ZNF609: variants seen among roughly 807,000 people sequenced by gnomAD.
ZNF609 encodes the protein zinc finger protein 609.
A neutral mutation model predicts 109.5 loss-of-function variants in ZNF609; 11 were observed. The observed-to-expected ratio is 0.10, with a 90% CI of 0.06 to 0.17. The LOEUF (loss-of-function observed/expected upper bound fraction) is 0.17, where lower values mean the gene tolerates loss of function less well. Among genes scored for constraint, ZNF609 ranks in the 10% least tolerant of loss-of-function variants. The probability of loss-of-function intolerance (pLI) is 1.00; values close to 1 mark genes in which losing one functional copy is unlikely to be tolerated. For synonymous variants in ZNF609, 646 were observed against 662.0 expected (o/e 0.98, Z 0.37); for missense variants, 1,559 against 1,772.4 (o/e 0.88, Z 2.16).
At chr15:64,516,090 G>A (rs545102038) in intron 2 of ZNF609, among the ~76,000 whole-genome samples, 3 of 152,268 alleles carry the variant, frequency 2.0e-5, no homozygotes, top group Admixed American at 6.5e-5. Flanking sequence ...AAAAGTCAGG[G>A]AAGATAGTTG....
intron 6 of ZNF609, among the ~76,000 whole-genome samples, chr15:64,679,010 G>A (rs929918968): frequency 1.3e-5 from 2 of 152,198 alleles, no homozygotes; most frequent in Admixed American, 6.5e-5. Context: ...AAGTCAGACT[G>A]GGGGGAGGTC....
intron 1 of ZNF609, among the ~76,000 whole-genome samples, chr15:64,492,088 A>C (rs1893420952): frequency 6.6e-6 from 1 of 151,624 alleles, no homozygotes; most frequent in Admixed American, 6.6e-5. Flanking sequence ...CTAAAAGTAC[A>C]AAAAATTAGC....
intron 5 of ZNF609, among the ~76,000 whole-genome samples, chr15:64,677,890 G>T (rs1180737564): frequency 2.0e-5 from 3 of 152,124 alleles, no homozygotes; most frequent in Admixed American, 6.5e-5. Context: ...TTCTCCCCCT[G>T]CCCCATCTTG....
At chr15:64,658,399 G>A (rs1896522430) in intron 3 of ZNF609, among the ~76,000 whole-genome samples, 1 of 152,070 alleles carries the variant, frequency 6.6e-6, no homozygotes, top group African/African-American at 2.4e-5. Flanking sequence ...GTTTCCCCAT[G>A]TTGATCAGAT....
chr15:64,506,636 C>G (rs529036405), intron 2 of ZNF609, among the ~76,000 whole-genome samples: 2 of 151,642 alleles, frequency 1.3e-5, no homozygotes, highest in East Asian at 3.9e-4. Flanking sequence ...AGGAGAATCA[C>G]TTGAACCCGG....
intron 2 of ZNF609, among the ~76,000 whole-genome samples, chr15:64,510,571 T>C (rs1174995338): frequency 6.6e-6 from 1 of 152,102 alleles, no homozygotes; most frequent in Non-Finnish European, 1.5e-5. Context: ...TTATCATAGG[T>C]ACGTACGTAG....
chr15:64,678,530 G>A (rs373787992), intron 6 of ZNF609, 48 bp downstream of exon 6: 23 of 1,518,708 alleles, frequency 1.5e-5, no homozygotes, highest in Admixed American at 2.2e-5. Flanking sequence ...AAGGGGGAAT[G>A]AAGCACAGAT....
At chr15:64,639,950 C>T (rs73454911) in intron 3 of ZNF609, among the ~76,000 whole-genome samples, 7,120 of 152,038 alleles carry the variant, frequency 0.047, 551 homozygotes, top group African/African-American at 0.16. Context: ...TTTTGAGTCT[C>T]TTTCTGTCGC....
intron 2 of ZNF609, among the ~76,000 whole-genome samples, chr15:64,617,135 G>A (rs2140967262): frequency 6.6e-6 from 1 of 152,048 alleles, no homozygotes; most frequent in Non-Finnish European, 1.5e-5. Flanking sequence ...GGTAAATTGA[G>A]AAGTATCATT....
At chr15:64,610,058 G>C (rs1272111922) in intron 2 of ZNF609, among the ~76,000 whole-genome samples, 1 of 150,824 alleles carries the variant, frequency 6.6e-6, no homozygotes, top group Admixed American at 6.6e-5. Context: ...AGAATTTCCT[G>C]CAAGGTGAAG....
Position 64,572,985 on chromosome 15 carries a change from T to C in ZNF609, c.748-49842T>C, listed in dbSNP as rs570840326. On this transcript the variant is annotated intron_variant, in intron 2 of 9. Coordinates refer to ENST00000326648, the MANE Select transcript of ZNF609 (RefSeq NM_015042.2). ...GACACGTAGTTCGGCTAGAAAAGCA[T>C]GGACCTAGATTTTGGCCTCCTCTTG... 3.3e-5 allele frequency among the ~76,000 whole-genome samples: 5 copies of C among 152,342 alleles called. No individual in the cohort carries two copies. In the East Asian group the frequency reaches 7.7e-4, roughly 23 times the overall value.
chr15:64,663,015 A>T (rs1474920418), intron 3 of ZNF609, among the ~76,000 whole-genome samples: 2 of 152,126 alleles, frequency 1.3e-5, no homozygotes, highest in African/African-American at 4.8e-5. Context: ...TGATACATAC[A>T]GATGTATGTA....
intron 2 of ZNF609, among the ~76,000 whole-genome samples, chr15:64,538,046 C>T (rs1016073346): frequency 1.3e-5 from 2 of 151,434 alleles, no homozygotes; most frequent in African/African-American, 4.9e-5. Flanking sequence ...GCGGAAGTTG[C>T]GGTGAGCCGA....
At chr15:64,482,198 A>G (rs1893264120) in intron 1 of ZNF609, among the ~76,000 whole-genome samples, 1 of 152,200 alleles carries the variant, frequency 6.6e-6, no homozygotes, top group South Asian at 2.1e-4. Flanking sequence ...GAGAATTTCC[A>G]CTATTTCTTT....
In ZNF609 at chr15:64,622,839, G is replaced by A; in HGVS notation, c.760G>A (p.Val254Ile). 1 of 1,614,228 alleles carries A rather than the reference G, an allele frequency of 6.2e-7. No homozygotes were observed. The highest frequency in any genetic ancestry group is 8.5e-7 in the Non-Finnish European group (1 of 1,180,022). The change falls in exon 3 of 10, where the codon GTT becomes ATT. Residue 254 changes from valine to isoleucine, a missense_variant. By Grantham distance (29) the Val-to-Ile change is conservative. This residue lies in a region of ZNF609 where 291 missense variants were observed against 317.8 expected (regional missense o/e 0.92). Transcript: ENST00000326648. ...KVKSEKMESPVSTPAVLPIHL... is the reference protein window; with the variant it reads ...KVKSEKMESPISTPAVLPIHL... ...CTTCCCTCCACAGATGGAGTCCCCTGTTTCCACACCAGCAGTGCTGCCAAT... is the reference window on the plus strand; with the variant it reads ...CTTCCCTCCACAGATGGAGTCCCCTATTTCCACACCAGCAGTGCTGCCAAT...
In ZNF609 at chr15:64,499,358, A is replaced by C; in HGVS notation, c.-62A>C. On this transcript the variant is annotated 5_prime_UTR_variant, in exon 2 of 10. Coordinates refer to ENST00000326648, the MANE Select transcript of ZNF609 (RefSeq NM_015042.2). Reference sequence around the variant, plus strand: ...AGGTCTGAGAACATAGCTGAAGCTGAAAATAGGAAAGCTGGGGGCAAGGAA... The same window carrying C: ...AGGTCTGAGAACATAGCTGAAGCTGCAAATAGGAAAGCTGGGGGCAAGGAA... 1 of 1,569,282 alleles carries C rather than the reference A, an allele frequency of 6.4e-7. No individual in the cohort carries two copies. The highest frequency in any genetic ancestry group is 1.2e-5 in the South Asian group (1 of 82,542).
intron 3 of ZNF609, chr15:64,631,346 T>C (rs185951631): frequency 4.2e-6 from 3 of 716,864 alleles, no homozygotes; most frequent in Admixed American, 3.5e-5. Flanking sequence ...TTGGCAAGAA[T>C]CTTGCCCTTG....
chr15:64,592,659 G>A (rs140492124), intron 2 of ZNF609, among the ~76,000 whole-genome samples: 185 of 151,362 alleles, frequency 1.2e-3, no homozygotes, highest in Non-Finnish European at 2.2e-3. Context: ...CACGAGGCCC[G>A]CAATCCCAGC....
chr15:64,676,164 G>A lies in ZNF609; in HGVS notation c.3310G>A (p.Ala1104Thr). 1 of 1,614,206 alleles carries A rather than the reference G, an allele frequency of 6.2e-7. No homozygotes were observed. Among genetic ancestry groups the A allele is most frequent in the Non-Finnish European group, 8.5e-7 (1 of 1,180,054 alleles). Residue 1104 changes from alanine (A) to threonine (T), a missense_variant, in exon 5 of 10, where the codon GCC becomes ACC. Coordinates refer to ENST00000326648, the MANE Select transcript of ZNF609 (RefSeq NM_015042.2). ...PEGLKVKLSD[A>T]SHLSKEASEA... Reference sequence around the variant, plus strand: ...AGGCCTTAAAGTGAAGCTGAGTGATGCCAGCCACCTAAGCAAGGAGGCCTC... The same window carrying A: ...AGGCCTTAAAGTGAAGCTGAGTGATACCAGCCACCTAAGCAAGGAGGCCTC...
Sources: allele counts gnomAD v4.1 joint callset (sites outside exome capture counted in the v4.1 genomes callset), GRCh38; gene constraint gnomAD v4.1.1; regional missense constraint gnomAD v4.1.1; transcripts MANE v1.5; gene names NCBI Gene and HGNC (gene_info 2026-07-23, HGNC 2026-07-21).